LINGO1: variants seen among roughly 807,000 people sequenced by gnomAD.
LINGO1 encodes leucine rich repeat and Ig domain containing 1.
LINGO1 carries 11 observed loss-of-function variants against 37.3 expected under a neutral mutation model. The ratio of observed to expected loss-of-function variants is 0.29; its 90% CI spans 0.19 to 0.49. The LOEUF (loss-of-function observed/expected upper bound fraction) is 0.49. Ranked by LOEUF, LINGO1 falls within the 20% of genes least tolerant of loss-of-function variation. The probability of loss-of-function intolerance (pLI) is 0.99; values close to 1 mark genes in which losing one functional copy is unlikely to be tolerated. For missense variants in LINGO1, 585 were observed against 878.2 expected, an observed-to-expected ratio of 0.67 and a Z score of 4.22; for synonymous variants, 387 against 403.0, an observed-to-expected ratio of 0.96 and a Z score of 0.48.
intron 1 of LINGO1, among the ~76,000 whole-genome samples, chr15:77,739,087 C>T (rs901566862): frequency 2.0e-4 from 30 of 152,234 alleles, no homozygotes; most frequent in African/African-American, 6.8e-4. Context: ...GGCTCTCACA[C>T]CTGCCAACCT....
At chr15:77,814,376 T>C (rs976743374) in intron 1 of LINGO1, among the ~76,000 whole-genome samples, 3 of 152,192 alleles carry the variant, frequency 2.0e-5, no homozygotes, top group African/African-American at 7.2e-5. Flanking sequence ...GTCTGCCTAC[T>C]TTATTGGAAC....
At chr15:77,727,089 T>C (rs2076109843) in intron 2 of LINGO1, among the ~76,000 whole-genome samples, 1 of 152,186 alleles carries the variant, frequency 6.6e-6, no homozygotes, top group African/African-American at 2.4e-5. Flanking sequence ...AAAATAAGTA[T>C]TTGCAAGGAC....
At chr15:77,647,828 T>C in intron 3 of LINGO1, 2 of 456,254 alleles carry the variant, frequency 4.4e-6, no homozygotes, top group South Asian at 3.1e-5. Context: ...TATTTTCTTT[T>C]TGGCCCTCAG....
chr15:77,819,117 G>T (rs2077073807), intron 1 of LINGO1, among the ~76,000 whole-genome samples: 1 of 147,134 alleles, frequency 6.8e-6, no homozygotes, highest in Admixed American at 6.7e-5. Flanking sequence ...CCACGGACGC[G>T]CACCCAGCAC....
intron 3 of LINGO1, among the ~76,000 whole-genome samples, chr15:77,666,347 G>C (rs1283311799): frequency 1.3e-5 from 2 of 152,202 alleles, no homozygotes; most frequent in African/African-American, 2.4e-5. Flanking sequence ...AGCGCTCCTG[G>C]GGGCAGCAGG....
intron 1 of LINGO1, among the ~76,000 whole-genome samples, chr15:77,743,767 G>C (rs1164853024): frequency 6.6e-6 from 1 of 151,914 alleles, no homozygotes; most frequent in Non-Finnish European, 1.5e-5. Context: ...GAGGCAGGCA[G>C]CTGGGTGGGC....
At chr15:77,707,083 G>A (rs1292292564) in intron 2 of LINGO1, among the ~76,000 whole-genome samples, 2 of 152,254 alleles carry the variant, frequency 1.3e-5, no homozygotes, top group Non-Finnish European at 2.9e-5. Context: ...CAGCAGCTGG[G>A]TGTTCTCGAA....
chr15:77,741,414 G>A (rs530424763), intron 1 of LINGO1, among the ~76,000 whole-genome samples: 1 of 152,320 alleles, frequency 6.6e-6, no homozygotes, highest in South Asian at 2.1e-4. Flanking sequence ...TTTGGGCCCT[G>A]AGGACCCCTT....
At chr15:77,667,343 G>A (rs1245402131) in intron 3 of LINGO1, among the ~76,000 whole-genome samples, 1 of 152,194 alleles carries the variant, frequency 6.6e-6, no homozygotes, top group African/African-American at 2.4e-5. Context: ...GTGGGTGCTC[G>A]GGCTGAGGTT....
upstream of LINGO1, among the ~76,000 whole-genome samples, chr15:77,635,810 A>G (rs1406546807): frequency 6.7e-6 from 1 of 148,702 alleles, no homozygotes. Flanking sequence ...CAGATCTGAG[A>G]CTGCGTGTCT....
upstream of LINGO1, among the ~76,000 whole-genome samples, chr15:77,633,253 G>A (rs1236396269): frequency 6.6e-6 from 1 of 150,686 alleles, no homozygotes; most frequent in Admixed American, 6.5e-5. Flanking sequence ...TCCTCCCTGG[G>A]TGTATGCGCG....
In LINGO1 at chr15:77,615,216, G is replaced by A. The variant is rs201517725; in HGVS notation, c.691C>T (p.Arg231Trp). 104 of 1,613,582 alleles carry A rather than the reference G, an allele frequency of 6.4e-5. No individual in the cohort carries two copies. Among genetic ancestry groups the A allele is most frequent in the Non-Finnish European group, 7.9e-5 (93 of 1,179,804 alleles). ...TACAGCCTCTTGAAGGAGTAGTCCC[G>A]GATGGCATTGATGTTGAGGTGCCGG... ...RLRHLNINAI[R>W]DYSFKRLYRL... Residue 231 changes from arginine (R) to tryptophan (W), a missense_variant, in exon 2 of 2, where the codon CGG (arginine) becomes TGG (tryptophan). Transcript: ENST00000355300.
At chr15:77,683,244 G>A (rs976352573) in intron 2 of LINGO1, among the ~76,000 whole-genome samples, 1 of 152,106 alleles carries the variant, frequency 6.6e-6, no homozygotes, top group African/African-American at 2.4e-5. Flanking sequence ...GGATGGTATG[G>A]GGAAATGGTC....
At position 77,719,295 on chromosome 15, in the gene LINGO1, G is replaced by GCCAGCA. The variant is rs2076021191; in HGVS notation, c.-195+15691_-195+15696dup. ...AGTGAGGAACCCCACAAAGTCTCCT[G>GCCAGCA]CCAGCACCAGCACCAAGACACTTCT... On this transcript the variant is annotated intron_variant, in intron 2 of 3. Coordinates refer to the LINGO1 transcript ENST00000561686. Among the ~76,000 whole-genome samples the GCCAGCA allele has an allele frequency of 2.0e-5, 3 of 150,200 alleles. No individual in the cohort carries two copies. In the South Asian group the frequency reaches 6.5e-4, roughly 32 times the overall value.
chr15:77,721,438 C>G (rs1353970733), intron 2 of LINGO1, among the ~76,000 whole-genome samples: 1 of 152,164 alleles, frequency 6.6e-6, no homozygotes, highest in Non-Finnish European at 1.5e-5. Context: ...TCCCTGCCTC[C>G]CCGACCTGGT....
rs535088409 is a variant in LINGO1, at chr15:77,785,945, G to A, written c.-257+924C>T. 3.3e-5 allele frequency among the ~76,000 whole-genome samples: 5 copies of A among 152,256 alleles called. No individual in the cohort carries two copies. The East Asian group carries it at 9.7e-4, about 30-fold the overall frequency. ...AGGCAAATCCCACTGTGTACCTAGG[G>A]AGGACAGGCTCATTCAGTGAGGCGG... On this transcript the variant is annotated intron_variant, in intron 1 of 3. Transcript: ENST00000561686.
At chr15:77,761,649 T>A (rs2076478193) in intron 1 of LINGO1, among the ~76,000 whole-genome samples, 1 of 152,146 alleles carries the variant, frequency 6.6e-6, no homozygotes, top group Admixed American at 6.5e-5. Flanking sequence ...CATAACTAAG[T>A]GCTCAAAGGA....
At chr15:77,769,010 C>T (rs1167972289) in intron 1 of LINGO1, among the ~76,000 whole-genome samples, 2 of 152,224 alleles carry the variant, frequency 1.3e-5, no homozygotes, top group Non-Finnish European at 2.9e-5. Context: ...CTCCACTGCC[C>T]AGGACCCTTC....
intron 2 of LINGO1, among the ~76,000 whole-genome samples, chr15:77,704,829 C>A (rs2075829869): frequency 6.6e-6 from 1 of 152,070 alleles, no homozygotes; most frequent in Non-Finnish European, 1.5e-5. Context: ...CATACTGAGC[C>A]CTGACTGTGC....
Sources: gnomAD v4.1 joint callset for allele counts (sites outside exome capture counted in the v4.1 genomes callset) on GRCh38, gnomAD v4.1.1 for gene constraint, MANE v1.5 for transcripts, NCBI Gene and HGNC (gene_info 2026-07-23, HGNC 2026-07-21) for gene names.